Variants in CD109 observed in about 807,000 individuals in gnomAD.
CD109 encodes CD109 molecule.
A neutral mutation model predicts 165.8 loss-of-function variants in CD109; 149 were observed. That is an observed-to-expected ratio of 0.90 (90% CI 0.79 to 1.03). The LOEUF is 1.03. Ranked by LOEUF, CD109 falls within the 50% of genes least tolerant of loss-of-function variation. CD109 has a pLI of 0.00. For synonymous variants in CD109, 585 were observed against 592.1 expected (o/e 0.99, Z 0.18); for missense variants, 1,712 against 1,677.8 (o/e 1.02, Z -0.36).
intron 10 of CD109, among the ~76,000 whole-genome samples, chr6:73,764,474 G>A (rs1326182852): frequency 2.6e-5 from 4 of 152,194 alleles, no homozygotes; most frequent in East Asian, 1.9e-4. Flanking sequence ...AAACATACTG[G>A]ATTGGCCTAT....
intron 5 of CD109, among the ~76,000 whole-genome samples, chr6:73,753,793 C>T (rs1773284673): frequency 6.6e-6 from 1 of 152,148 alleles, no homozygotes; most frequent in African/African-American, 2.4e-5. Flanking sequence ...TTTGATCCTT[C>T]TCAAGAGAAG....
intron 5 of CD109, among the ~76,000 whole-genome samples, chr6:73,740,720 G>A (rs1026958381): frequency 2.0e-5 from 3 of 151,486 alleles, no homozygotes; most frequent in Non-Finnish European, 4.4e-5. Context: ...AGCCTCCTGA[G>A]TAGCTGGGAT....
chr6:73,687,314 A>C, the CD109 span, among the ~76,000 whole-genome samples: 1 of 152,130 alleles, frequency 6.6e-6, no homozygotes, highest in Non-Finnish European at 1.5e-5. Flanking sequence ...AAAAAAAACC[A>C]TGCATGATTT....
chr6:73,697,600 C>T, intron 2 of CD109, 28 bp downstream of exon 2: 1 of 1,589,204 alleles, frequency 6.3e-7, no homozygotes, highest in Non-Finnish European at 8.6e-7. Flanking sequence ...AAGTCTTACC[C>T]TTCTGCAGTA....
chr6:73,744,183 T>A (rs1038826845), intron 5 of CD109, among the ~76,000 whole-genome samples: 2 of 152,224 alleles, frequency 1.3e-5, no homozygotes, highest in East Asian at 1.9e-4. Context: ...TAAAAAAATG[T>A]CTGCCTCATT....
chr6:73,706,936 G>T (rs949259669), intron 2 of CD109, among the ~76,000 whole-genome samples: 2 of 152,220 alleles, frequency 1.3e-5, no homozygotes, highest in Non-Finnish European at 2.9e-5. Context: ...CAGGAATATA[G>T]ATAAGACAGG....
the CD109 span, among the ~76,000 whole-genome samples, chr6:73,688,022 G>A: frequency 1.3e-5 from 2 of 152,108 alleles, no homozygotes; most frequent in African/African-American, 4.8e-5. Flanking sequence ...ACTGGCATTG[G>A]CAGATGTCAT....
At chr6:73,726,896 T>C (rs1281600115) in intron 3 of CD109, among the ~76,000 whole-genome samples, 1 of 152,208 alleles carries the variant, frequency 6.6e-6, no homozygotes, top group African/African-American at 2.4e-5. Flanking sequence ...TCCAGCCCTG[T>C]GCCCTCTGGT....
chr6:73,781,233 A>G, intron 16 of CD109, 26 bp from the exon 17 acceptor site: 2 of 1,593,246 alleles, frequency 1.3e-6, no homozygotes, highest in South Asian at 2.2e-5. Context: ...TGTGTTTTAA[A>G]AGAAAATAAA....
chr6:73,759,535 A>G (rs1311338298), intron 7 of CD109, among the ~76,000 whole-genome samples: 1 of 152,122 alleles, frequency 6.6e-6, no homozygotes, highest in East Asian at 1.9e-4. Flanking sequence ...CTTATCCCAA[A>G]TGCTTCCCGG....
At chr6:73,698,804 C>A (rs904629693) in intron 2 of CD109, among the ~76,000 whole-genome samples, 4 of 152,078 alleles carry the variant, frequency 2.6e-5, no homozygotes, top group Non-Finnish European at 5.9e-5. Context: ...TATAGGTTAG[C>A]CCTTAAGATC....
chr6:73,727,577 A>G (rs58031803), intron 3 of CD109, among the ~76,000 whole-genome samples: 11,074 of 152,164 alleles, frequency 0.073, 587 homozygotes, highest in African/African-American at 0.15. Flanking sequence ...GTAGAATAAA[A>G]TGTTTTCGGG....
chr6:73,763,818 G>T, intron 10 of CD109, 133 bp downstream of exon 10: 1 of 419,104 alleles, frequency 2.4e-6, no homozygotes, highest in Non-Finnish European at 4.2e-6. Flanking sequence ...TTAGACATGT[G>T]GGGCATGTAG....
At chr6:73,819,096 A>G (rs1401479857) in intron 31 of CD109, among the ~76,000 whole-genome samples, 1 of 152,216 alleles carries the variant, frequency 6.6e-6, no homozygotes, top group Non-Finnish European at 1.5e-5. Flanking sequence ...TGGCTTCTCA[A>G]AGTGTTGGGA....
intron 23 of CD109, among the ~76,000 whole-genome samples, chr6:73,795,521 C>T (rs1295452122): frequency 6.6e-6 from 1 of 152,142 alleles, no homozygotes; most frequent in Non-Finnish European, 1.5e-5. Context: ...TGTAGTTTTT[C>T]AAAGTAACCC....
In CD109 at chr6:73,812,254, G is replaced by A; in HGVS notation, c.3752G>A (p.Gly1251Glu). The A allele has an allele frequency of 6.2e-7, 1 of 1,607,444 alleles. No individual in the cohort carries two copies. Among genetic ancestry groups the A allele is most frequent in the Non-Finnish European group, 8.5e-7 (1 of 1,175,520 alleles). The change falls in exon 29 of 33, where the codon GGA becomes GAA. Residue 1251 changes from glycine to glutamate, a missense_variant. Transcript: ENST00000287097. Reference sequence around the variant, plus strand: ...GTTAATATTTCCGCAAATGGTTTTGGATTTGCTATTTGTCAGGTATGTAAC... The same window carrying A: ...GTTAATATTTCCGCAAATGGTTTTGAATTTGCTATTTGTCAGGTATGTAAC... ...TAVNISANGF[G>E]FAICQLNVVY...
At chr6:73,756,905 T>A (rs554804194) in intron 6 of CD109, among the ~76,000 whole-genome samples, 1 of 152,370 alleles carries the variant, frequency 6.6e-6, no homozygotes, top group South Asian at 2.1e-4. Context: ...TGCATTGTGC[T>A]AGTCTTTTTC....
intron 2 of CD109, among the ~76,000 whole-genome samples, chr6:73,698,170 C>G (rs952522865): frequency 1.3e-5 from 2 of 152,034 alleles, no homozygotes; most frequent in Non-Finnish European, 2.9e-5. Context: ...GTAGCAGAAC[C>G]AAGTTTGGTT....
chr6:73,781,550 C>G (rs1055936673), intron 17 of CD109, among the ~76,000 whole-genome samples: 1 of 152,086 alleles, frequency 6.6e-6, no homozygotes, highest in African/African-American at 2.4e-5. Flanking sequence ...TTTCCTTTTT[C>G]TCTAGGTAAT....
Sources: gnomAD v4.1 joint callset for allele counts (sites outside exome capture counted in the v4.1 genomes callset) on GRCh38, gnomAD v4.1.1 for gene constraint, MANE v1.5 for transcripts, NCBI Gene and HGNC (gene_info 2026-07-23, HGNC 2026-07-21) for gene names.